NECTIN1: variants seen among roughly 807,000 people sequenced by gnomAD.
The protein encoded by NECTIN1 is nectin-1.
In NECTIN1, 23 loss-of-function variants were observed where a neutral mutation model predicts 48.0. That is an observed-to-expected ratio of 0.48 (90% CI 0.34 to 0.68). The LOEUF (loss-of-function observed/expected upper bound fraction) is 0.68. Among genes scored for constraint, NECTIN1 ranks in the 30% least tolerant of loss-of-function variants. The pLI, the probability that NECTIN1 is intolerant of heterozygous loss-of-function variation, is 0.01. For synonymous variants in NECTIN1, 270 were observed against 288.9 expected (o/e 0.93, Z 0.66); for missense variants, 591 against 709.9 (o/e 0.83, Z 1.90).
rs66955603 is a variant in NECTIN1 at position 119,683,573 on chromosome 11, GGTGTGTGTGTGTGTGT to G, written c.80-4824_80-4809del. 4.9e-5 allele frequency among the ~76,000 whole-genome samples: 7 copies of G among 143,572 alleles called. No individual in the cohort carries two copies. The highest frequency in any genetic ancestry group is 6.9e-5 in the Admixed American group (1 of 14,498). The allele number at this position is 143,572 out of a possible 152,430, so 94.2% of individuals were successfully genotyped here. On this transcript the variant is annotated intron_variant, in intron 1 of 5. Transcript: ENST00000264025. This position sits in a 1 kb window ranked among gnomAD's most constrained non-coding sequence, Gnocchi z 4.0. ...AGAAACAGGGGCTTTGGGGATCCCG[GGTGTGTGTGTGTGTGT>G]GTGTGTGTGTGTGTGTGTGTGGGCA...
intron 1 of NECTIN1, among the ~76,000 whole-genome samples, chr11:119,698,791 G>A (rs1865386667): frequency 1.3e-5 from 2 of 152,214 alleles, no homozygotes; most frequent in African/African-American, 2.4e-5. Context: ...TGCTCTGGAG[G>A]TGGCGAAACT....
At position 119,661,534 on chromosome 11, in the gene NECTIN1, T is replaced by A. The variant is rs1864665105; in HGVS notation, c.*3213A>T. On this transcript the variant is annotated 3_prime_UTR_variant, in exon 6 of 6. Transcript: ENST00000264025. ...CTGGACTCCTGAGGCCTGGGAGCAC[T>A]ACCCTCCTCCCAGAAGAGGGGACAT... 2 of 985,732 alleles carry A rather than the reference T, an allele frequency of 2.0e-6. No individual in the cohort carries two copies. Among genetic ancestry groups the A allele is most frequent in the African/African-American group, 3.5e-5 (2 of 57,234 alleles). The allele number at this position is 985,732 out of a possible 1,614,324, so 61.1% of individuals were successfully genotyped here.
At chr11:119,641,519 C>T (rs1264742715) in intron 5 of NECTIN1, 1 of 152,186 alleles carries the variant, frequency 6.6e-6, no homozygotes, top group Non-Finnish European at 1.5e-5. Context: ...ACAGGGAGCC[C>T]CTGCTTCCTC....
rs1044146941 is a variant in NECTIN1 at position 119,683,934 on chromosome 11, G to T, written c.80-5169C>A. 6.6e-6 allele frequency among the ~76,000 whole-genome samples: 1 copy of T among 152,034 alleles called. No individual in the cohort carries two copies. The highest frequency in any genetic ancestry group is 1.5e-5 in the Non-Finnish European group (1 of 68,014). ...AGCCAGCATGACGGGCCTCAGGCCG[G>T]CCCCCTGAGACGTCACAGACCTGCA... On this transcript the variant is annotated intron_variant, in intron 1 of 5. Coordinates refer to ENST00000264025, the MANE Select transcript of NECTIN1 (RefSeq NM_002855.5). The surrounding 1 kb of genome is among the most constrained non-coding windows in gnomAD (Gnocchi z 4.0).
In NECTIN1 at chr11:119,678,805, C is replaced by G; in HGVS notation, c.80-40G>C. 6.4e-6 allele frequency: 9 copies of G among 1,402,288 alleles called. No individual in the cohort carries two copies. Among genetic ancestry groups the G allele is most frequent in the Non-Finnish European group, 7.9e-6 (8 of 1,006,570 alleles). 86.9% of individuals were successfully genotyped at this position (1,402,288 alleles called of 1,614,324 possible). ...GGCAGCAAGTGGTCAGTGTCAGGCA[C>G]AGCCTCCCCCCACCCACACAGTTCC... On this transcript the variant is annotated intron_variant, in intron 1 of 5. Transcript: ENST00000264025. This position sits in a 1 kb window ranked among gnomAD's most constrained non-coding sequence, Gnocchi z 4.4.
chr11:119,639,157 C>T (rs771043229), intron 6 of NECTIN1, among the ~76,000 whole-genome samples: 17 of 151,962 alleles, frequency 1.1e-4, no homozygotes, highest in African/African-American at 3.4e-4. Flanking sequence ...CTCAGGTGCA[C>T]GGTATGCGGC....
intron 1 of NECTIN1, among the ~76,000 whole-genome samples, chr11:119,681,583 G>A (rs1464721124): frequency 5.3e-5 from 8 of 152,188 alleles, no homozygotes; most frequent in South Asian, 2.1e-4. Flanking sequence ...GGCTGATAGC[G>A]GCCAGGCATG....
intron 5 of NECTIN1, among the ~76,000 whole-genome samples, chr11:119,668,748 G>C (rs1242368821): frequency 6.6e-6 from 1 of 152,204 alleles, no homozygotes; most frequent in South Asian, 2.1e-4. Flanking sequence ...GCATGGTAAA[G>C]CCTGTATAAA....
At chr11:119,726,569 C>T (rs954119710) in intron 1 of NECTIN1, among the ~76,000 whole-genome samples, 1 of 152,216 alleles carries the variant, frequency 6.6e-6, no homozygotes, top group African/African-American at 2.4e-5. Flanking sequence ...CACCTTGAGC[C>T]AGGTGAGTTC....
At position 119,663,013 on chromosome 11, in the gene NECTIN1, A is replaced by T. The variant is rs1864693140; in HGVS notation, c.*1734T>A. 1 of 141,244 alleles carries T rather than the reference A, an allele frequency of 7.1e-6. No homozygotes were observed. The highest frequency in any genetic ancestry group is 3.4e-4 in the Admixed American group (1 of 2,928). The allele number at this position is 141,244 out of a possible 1,614,324, so 8.7% of individuals were successfully genotyped here. A position where few individuals can be genotyped will look rare whatever the true frequency, so the allele number is the denominator to read the frequency against. The stretch of plus-strand genomic sequence containing the variant: ...AGCTGGCAGGGGGTTCAATAGCAGC[A>T]CCAGGGAGGGGAGGGGAGGGGTTGG... On this transcript the variant is annotated 3_prime_UTR_variant, in exon 6 of 6. Coordinates refer to ENST00000264025, the MANE Select transcript of NECTIN1 (RefSeq NM_002855.5).
chr11:119,703,032 C>G (rs914675320), intron 1 of NECTIN1, among the ~76,000 whole-genome samples: 2 of 152,224 alleles, frequency 1.3e-5, no homozygotes, highest in African/African-American at 4.8e-5. Flanking sequence ...CAGTGTCTGG[C>G]CCCCACCAGC....
chr11:119,721,874 C>A (rs548846510), intron 1 of NECTIN1, among the ~76,000 whole-genome samples: 106 of 152,364 alleles, frequency 7.0e-4, no homozygotes, highest in African/African-American at 2.3e-3. Context: ...CCAACCTGGG[C>A]TCTGTGGTCA....
In NECTIN1 at chr11:119,678,235, CT is replaced by C; in HGVS notation, c.430+179del. Among the ~76,000 whole-genome samples the C allele has an allele frequency of 6.6e-6, 1 of 152,368 alleles. No homozygotes were observed. The highest frequency in any genetic ancestry group is 1.9e-4 in the East Asian group (1 of 5,180). ...ACTGTCTAGAGATAAGCCCCTGCCC[CT>C]AATCCCTAGTGAATTGTGGGGTGGC... On this transcript the variant is annotated intron_variant, in intron 2 of 5. Transcript: ENST00000264025. This position sits in a 1 kb window ranked among gnomAD's most constrained non-coding sequence, Gnocchi z 4.4.
chr11:119,702,320 C>T (rs943891821), intron 1 of NECTIN1, among the ~76,000 whole-genome samples: 1 of 152,214 alleles, frequency 6.6e-6, no homozygotes, highest in Non-Finnish European at 1.5e-5. Flanking sequence ...CTGGGAAATT[C>T]GTCCTGTGGT....
chr11:119,697,047 A>G lies in NECTIN1; in HGVS notation c.80-18282T>C, dbSNP rs905500246. Among the ~76,000 whole-genome samples, 6 of 152,208 alleles carry G rather than the reference A, an allele frequency of 3.9e-5. 1 individual carries two copies. In the South Asian group the frequency reaches 1.0e-3, roughly 26 times the overall value. On this transcript the variant is annotated intron_variant, in intron 1 of 5. Transcript: ENST00000264025. ...GTGTGCTGCCCGCTGCAGCGGGCAG[A>G]GGCCGGGCCTGGGAGGGGCAGCCTG...
intron 1 of NECTIN1, among the ~76,000 whole-genome samples, chr11:119,685,126 C>T (rs561542485): frequency 6.6e-6 from 1 of 152,234 alleles, no homozygotes; most frequent in Non-Finnish European, 1.5e-5. Flanking sequence ...TCTCTGTCTC[C>T]CCTGCTGCCT....
intron 6 of NECTIN1, chr11:119,639,757 A>G: frequency 6.8e-7 from 1 of 1,466,912 alleles, no homozygotes; most frequent in Non-Finnish European, 9.4e-7. Context: ...GGGAGGCCCT[A>G]GAAAGGCCCT....
At chr11:119,646,095 C>G (rs4938700) in intron 5 of NECTIN1, among the ~76,000 whole-genome samples, 122,786 of 152,226 alleles carry the variant, frequency 0.81, 52,821 homozygotes, top group South Asian at 0.99. Flanking sequence ...CCTGGACTGG[C>G]TTGCATTTCA....
chr11:119,713,823 C>T lies in NECTIN1; in HGVS notation c.79+14652G>A, dbSNP rs1009795875. On this transcript the variant is annotated intron_variant, in intron 1 of 5. Coordinates refer to ENST00000264025, the MANE Select transcript of NECTIN1 (RefSeq NM_002855.5). ...TCTCTCCTGGGTTAGCCTCAGAGTT[C>T]GGCGAGGGGAGGCACTGTTTGGGGC... 12 of 455,460 alleles carry T rather than the reference C, an allele frequency of 2.6e-5. 1 individual carries two copies. The highest frequency in any genetic ancestry group is 9.4e-5 in the Admixed American group (4 of 42,540). The allele number at this position is 455,460 out of a possible 1,614,324, so 28.2% of individuals were successfully genotyped here.
Sources: allele counts gnomAD v4.1 joint callset (sites outside exome capture counted in the v4.1 genomes callset), GRCh38; gene constraint gnomAD v4.1.1; non-coding constraint Gnocchi (gnomAD v3.1); transcripts MANE v1.5; gene names NCBI Gene and HGNC (gene_info 2026-07-23, HGNC 2026-07-21).